The following ADGRE1 variants were observed in gnomAD, a reference collection of about 807,000 sequenced individuals.
ADGRE1 encodes EGF-like module receptor 1.
A neutral mutation model predicts 102.7 loss-of-function variants in ADGRE1; 82 were observed. The observed-to-expected ratio is 0.80, with a 90% CI of 0.67 to 0.96. The LOEUF is 0.96. ADGRE1 is among the 40% of genes least tolerant of loss of function. The probability of loss-of-function intolerance (pLI) is 0.00; values close to 1 mark genes in which losing one functional copy is unlikely to be tolerated. For missense variants in ADGRE1, 1,032 were observed against 1,085.3 expected (o/e 0.95, Z 0.69); for synonymous variants, 398 against 399.6 (o/e 1.00, Z 0.05).
chr19:6,928,357 G>A (rs1975005766), intron 17 of ADGRE1, 146 bp downstream of exon 17: 3 of 1,519,520 alleles, frequency 2.0e-6, no homozygotes, highest in African/African-American at 1.4e-5. Flanking sequence ...CGGGCGTGGT[G>A]GCTCACGCCT....
chr19:6,939,276 G>A (rs532715758), intron 20 of ADGRE1, among the ~76,000 whole-genome samples: 3 of 152,196 alleles, frequency 2.0e-5, no homozygotes, highest in African/African-American at 7.2e-5. Flanking sequence ...GACAGTATAG[G>A]TATAGAACAT....
intron 12 of ADGRE1, among the ~76,000 whole-genome samples, chr19:6,918,517 G>C (rs1911634722): frequency 6.6e-6 from 1 of 152,110 alleles, no homozygotes; most frequent in Admixed American, 6.5e-5. Flanking sequence ...GATGAAGCCT[G>C]GGGGTTGGTA....
intron 2 of ADGRE1, among the ~76,000 whole-genome samples, chr19:6,890,845 A>T (rs1973341581): frequency 6.6e-6 from 1 of 152,156 alleles, no homozygotes; most frequent in Admixed American, 6.6e-5. Flanking sequence ...TTTGGAAACC[A>T]CCTGGTATGT....
At chr19:6,920,622 A>G (rs62123131) in intron 13 of ADGRE1, among the ~76,000 whole-genome samples, 77,736 of 145,094 alleles carry the variant, frequency 0.54, 23,002 homozygotes, top group African/African-American at 0.81. Flanking sequence ...CTCCTCGGGT[A>G]AAGCCATTCT....
At chr19:6,934,345 A>G (rs893376228) in intron 17 of ADGRE1, among the ~76,000 whole-genome samples, 3 of 151,698 alleles carry the variant, frequency 2.0e-5, no homozygotes, top group Non-Finnish European at 4.4e-5. Flanking sequence ...TCTTGGTTCA[A>G]TTGCTGCATG....
At chr19:6,899,093 T>C (rs1367529329) in intron 5 of ADGRE1, among the ~76,000 whole-genome samples, 3 of 152,206 alleles carry the variant, frequency 2.0e-5, no homozygotes, top group African/African-American at 7.2e-5. Context: ...ATGCAAATAT[T>C]AAGTGGAAGA....
chr19:6,934,091 C>T (rs972394057), intron 17 of ADGRE1, among the ~76,000 whole-genome samples: 2 of 152,052 alleles, frequency 1.3e-5, no homozygotes, highest in Non-Finnish European at 2.9e-5. Flanking sequence ...TCATCACTCG[C>T]GTTGGCTCAG....
At position 6,901,950 on chromosome 19, in the gene ADGRE1, G is replaced by C. The variant is rs61733001; in HGVS notation, c.590G>C (p.Cys197Ser). 1.7e-3 allele frequency: 2,724 copies of C among 1,614,184 alleles called. 4 individuals carry two copies. The highest frequency in any genetic ancestry group is 2.8e-3 in the Middle Eastern group (17 of 6,062). Residue 197 changes from cysteine (C) to serine (S), a missense_variant, in exon 6 of 21, where the codon TGT becomes TCT. Physicochemically the swap from Cys to Ser is moderately radical, Grantham distance 112. Coordinates refer to ENST00000312053, the MANE Select transcript of ADGRE1 (RefSeq NM_001974.5). ...AATAACACTGTTGGAAACTACTCTT[G>C]TTTCTGCAACCCAGGATTTGAATCC... ...TCNNTVGNYS[C>S]FCNPGFESSS...
rs1357923244 is a variant in ADGRE1, at chr19:6,924,817, G to A, written c.1931G>A (p.Cys644Tyr). The A allele has an allele frequency of 3.7e-6, 6 of 1,613,988 alleles. No homozygotes were observed. The highest frequency in any genetic ancestry group is 5.1e-6 in the Non-Finnish European group (6 of 1,180,042). Reference protein sequence around the residue: ...NTYLHLHLCVCLLLAKTLFLA... With the variant: ...NTYLHLHLCVYLLLAKTLFLA... The stretch of plus-strand genomic sequence containing the variant: ...TACCTCCACCTGCACCTCTGCGTGT[G>A]TCTCCTCTTGGCGAAGACTCTCTTC... The change falls in exon 15 of 21, where the codon TGT becomes TAT. Residue 644 changes from cysteine (C) to tyrosine (Y), a missense_variant. Cys to Tyr is a radical substitution (Grantham distance 194). Coordinates refer to ENST00000312053, the MANE Select transcript of ADGRE1 (RefSeq NM_001974.5).
intron 17 of ADGRE1, among the ~76,000 whole-genome samples, chr19:6,934,516 G>A (rs531959968): frequency 6.6e-6 from 1 of 150,386 alleles, no homozygotes; most frequent in African/African-American, 2.4e-5. Context: ...TGCCTCCCAG[G>A]TTCAAGTGAT....
chr19:6,928,696 C>G (rs1351723637), intron 17 of ADGRE1: 1 of 166,584 alleles, frequency 6.0e-6, no homozygotes, highest in Non-Finnish European at 1.3e-5. Flanking sequence ...TATCCCAGCA[C>G]TTTGAGAGGC....
At chr19:6,927,840 G>C (rs1356273051) in intron 16 of ADGRE1, among the ~76,000 whole-genome samples, 1 of 151,962 alleles carries the variant, frequency 6.6e-6, no homozygotes, top group Non-Finnish European at 1.5e-5. Context: ...GCTGAGATTT[G>C]AATGATAAGG....
chr19:6,897,821 A>G (rs1261377345), intron 5 of ADGRE1: 1 of 227,952 alleles, frequency 4.4e-6, no homozygotes, highest in Non-Finnish European at 8.5e-6. Context: ...TTTTAAGTGG[A>G]GCATTAGGCC....
intron 6 of ADGRE1, among the ~76,000 whole-genome samples, chr19:6,902,419 T>G (rs1193829044): frequency 6.6e-6 from 1 of 152,000 alleles, no homozygotes; most frequent in African/African-American, 2.4e-5. Flanking sequence ...TTGTTTGTTT[T>G]TTGTTTTTTT....
At chr19:6,892,530 C>A (rs961365571) in intron 2 of ADGRE1, among the ~76,000 whole-genome samples, 2 of 152,160 alleles carry the variant, frequency 1.3e-5, no homozygotes, top group Non-Finnish European at 2.9e-5. Context: ...GCAGTCACCC[C>A]CTCCTTGGTC....
intron 7 of ADGRE1, 26 bp from the exon 8 acceptor site, chr19:6,904,010 T>G: frequency 6.2e-7 from 1 of 1,614,106 alleles, no homozygotes; most frequent in Non-Finnish European, 8.5e-7. Context: ...CTTCTGGGTT[T>G]CTTGATATTC....
chr19:6,887,999 T>C (rs1370005875), intron 1 of ADGRE1, among the ~76,000 whole-genome samples: 1 of 152,214 alleles, frequency 6.6e-6, no homozygotes, highest in Non-Finnish European at 1.5e-5. Flanking sequence ...ATAGCCCACT[T>C]AGCACTGCTG....
At chr19:6,911,451 C>A (rs1974177987) in intron 10 of ADGRE1, among the ~76,000 whole-genome samples, 1 of 116,322 alleles carries the variant, frequency 8.6e-6, no homozygotes, top group South Asian at 3.0e-4. Flanking sequence ...TGATAATAAT[C>A]AATAATAAGG....
chr19:6,913,777 C>A lies in ADGRE1; in HGVS notation c.1247C>A (p.Ser416Tyr). 1.2e-6 allele frequency: 2 copies of A among 1,611,890 alleles called. No homozygotes were observed. The highest frequency in any genetic ancestry group is 1.7e-6 in the Non-Finnish European group (2 of 1,178,854). ...LESVESMTLA[S>Y]FWKPSANITP... ...AGTGTGGAAAGCATGACACTGGCAT[C>A]TTTTTGGAAACCCTCAGCAAATATC... Residue 416 changes from serine (S) to tyrosine (Y), a missense_variant, in exon 11 of 21, where the codon TCT becomes TAT. Coordinates refer to ENST00000312053, the MANE Select transcript of ADGRE1 (RefSeq NM_001974.5).
Sources: gnomAD v4.1 joint callset for allele counts (sites outside exome capture counted in the v4.1 genomes callset) on GRCh38, gnomAD v4.1.1 for gene constraint, MANE v1.5 for transcripts, NCBI Gene and HGNC (gene_info 2026-07-23, HGNC 2026-07-21) for gene names.